Variants in MTERF4 observed in about 807,000 individuals in gnomAD.
The protein encoded by MTERF4 is mitochondrial transcription termination factor 4.
MTERF4 carries 17 observed loss-of-function variants against 22.5 expected under a neutral mutation model. The ratio of observed to expected loss-of-function variants is 0.75; its 90% confidence interval spans 0.52 to 1.13. The LOEUF (loss-of-function observed/expected upper bound fraction) is 1.13, where lower values mean the gene tolerates loss of function less well. Ranked by LOEUF, MTERF4 falls within the 50% of genes most tolerant of loss-of-function variation. The probability of loss-of-function intolerance (pLI) is 0.00; values close to 1 mark genes in which losing one functional copy is unlikely to be tolerated. For synonymous variants in MTERF4, 165 were observed against 175.3 expected (o/e 0.94, Z 0.47); for missense variants, 420 against 466.8 (o/e 0.90, Z 0.92).
chr2:241,062,372 C>A, the MTERF4 span, among the ~76,000 whole-genome samples: 1 of 152,146 alleles, frequency 6.6e-6, no homozygotes, highest in Admixed American at 6.6e-5. Context: ...GCACAACTCC[C>A]GCTTGAAAAG....
chr2:241,045,428 G>A, the MTERF4 span, among the ~76,000 whole-genome samples: 1 of 152,206 alleles, frequency 6.6e-6, no homozygotes, highest in East Asian at 1.9e-4. Flanking sequence ...GATCAATTCA[G>A]TGTGATATTG....
chr2:241,064,989 C>A, the MTERF4 span: 1 of 1,495,364 alleles, frequency 6.7e-7, no homozygotes, highest in Non-Finnish European at 9.0e-7. The surrounding 1 kb of genome is among the most constrained non-coding windows in gnomAD (Gnocchi z 7.0). Context: ...AGTGAGGGAG[C>A]CACGAGGGGG....
At chr2:241,051,728 C>T in the MTERF4 span, 1,567 of 1,466,698 alleles carry the variant, frequency 1.1e-3, 24 homozygotes, top group East Asian at 0.036. The surrounding 1 kb of genome is among the most constrained non-coding windows in gnomAD (Gnocchi z 4.7). Context: ...ATCTGCCTCT[C>T]TGTCCTTCCA....
chr2:241,064,733 G>A, the MTERF4 span: 26 of 718,876 alleles, frequency 3.6e-5, no homozygotes, highest in African/African-American at 1.5e-4. The surrounding 1 kb of genome is among the most constrained non-coding windows in gnomAD (Gnocchi z 7.0). Context: ...TGTGCCCCCC[G>A]CCCCTCCACA....
At chr2:241,087,683 G>A (rs755874165), downstream of MTERF4, 153 of 1,367,996 alleles carry the variant, frequency 1.1e-4, no homozygotes, top group Non-Finnish European at 1.4e-4. Flanking sequence ...GGGCACAGCC[G>A]GGCATGCTGG....
chr2:241,090,457 AATG>A, downstream of MTERF4: 1 of 1,531,680 alleles, frequency 6.5e-7, no homozygotes, highest in African/African-American at 1.4e-5. Flanking sequence ...ACTCTAAAAT[AATG>A]ATGAAGAGTA....
chr2:241,082,158 C>A, downstream of MTERF4: 1 of 760,598 alleles, frequency 1.3e-6, no homozygotes, highest in Non-Finnish European at 2.2e-6. Flanking sequence ...CCCACCATCC[C>A]GCCTTGGAGG....
At chr2:241,094,551 CTTAT>C, downstream of MTERF4, 4 of 365,792 alleles carry the variant, frequency 1.1e-5, no homozygotes, top group Non-Finnish European at 2.2e-5. The surrounding 1 kb of genome is among the most constrained non-coding windows in gnomAD (Gnocchi z 4.3). Flanking sequence ...AAACCAGCTC[CTTAT>C]TTTTCTTTTA....
the MTERF4 span, among the ~76,000 whole-genome samples, chr2:241,043,746 T>C: frequency 6.0e-4 from 91 of 152,366 alleles, 1 homozygote; most frequent in Middle Eastern, 0.01. Flanking sequence ...TAAATACTTT[T>C]GGCTTTGTGA....
chr2:241,089,224 G>C, downstream of MTERF4: 1 of 1,392,948 alleles, frequency 7.2e-7, no homozygotes. Context: ...CATGAAAGAT[G>C]AATCTCTGGT....
In MTERF4 at chr2:241,096,804, A is replaced by T; in HGVS notation, c.706-366T>A. 1.9e-6 allele frequency: 1 copy of T among 524,106 alleles called. No homozygotes were observed. Among genetic ancestry groups the T allele is most frequent in the South Asian group, 2.1e-5 (1 of 48,244 alleles). 32.5% of individuals were successfully genotyped at this position (524,106 alleles called of 1,614,324 possible). A position where few individuals can be genotyped will look rare whatever the true frequency, so the allele number is the denominator to read the frequency against. ...AAATTCGACCTAAGTTGTCATAATTATTACCAAAAAATCGGACAACTGTTA... is the reference window on the plus strand; with the variant it reads ...AAATTCGACCTAAGTTGTCATAATTTTTACCAAAAAATCGGACAACTGTTA... On this transcript the variant is annotated intron_variant, in intron 3 of 3. Transcript: ENST00000391980. This position sits in a 1 kb window ranked among gnomAD's most constrained non-coding sequence, Gnocchi z 5.1.
chr2:241,062,947 A>T, the MTERF4 span: 3 of 1,299,342 alleles, frequency 2.3e-6, no homozygotes, highest in Non-Finnish European at 3.2e-6. Flanking sequence ...GCTGCAGCAC[A>T]CTGGCCATGT....
the MTERF4 span, among the ~76,000 whole-genome samples, chr2:241,052,860 C>T: frequency 9.5e-6 from 1 of 104,916 alleles, no homozygotes; most frequent in Non-Finnish European, 2.2e-5. Context: ...GGCCGGGGGG[C>T]CGAGCAGGGT....
chr2:241,069,062 G>C (rs768173462), downstream of MTERF4: 3 of 1,393,036 alleles, frequency 2.2e-6, no homozygotes, highest in Non-Finnish European at 3.0e-6. This position sits in a 1 kb window ranked among gnomAD's most constrained non-coding sequence, Gnocchi z 4.9. Flanking sequence ...ACGAAAGGCC[G>C]TCTTCTAGAA....
downstream of MTERF4, chr2:241,071,868 C>A: frequency 1.9e-6 from 3 of 1,600,552 alleles, no homozygotes; most frequent in Non-Finnish European, 2.6e-6. Context: ...AAGCAGCCAC[C>A]GTGAGATCAC....
the MTERF4 span, among the ~76,000 whole-genome samples, chr2:241,054,198 T>C: frequency 1.3e-5 from 2 of 152,074 alleles, no homozygotes; most frequent in Non-Finnish European, 2.9e-5. Flanking sequence ...CTTCCCCACC[T>C]ATATGTTGCC....
At chr2:241,066,430 C>T in the MTERF4 span, among the ~76,000 whole-genome samples, 72 of 152,288 alleles carry the variant, frequency 4.7e-4, no homozygotes, top group African/African-American at 1.6e-3. Context: ...GGAGCCCGGC[C>T]GCATCAGCTA....
downstream of MTERF4, chr2:241,067,851 C>A (rs919570765): frequency 1.9e-6 from 3 of 1,613,458 alleles, no homozygotes; most frequent in Non-Finnish European, 2.5e-6. Flanking sequence ...ATCCGCCATG[C>A]CACCGTCAGT....
chr2:241,048,691 G>A, the MTERF4 span: 5 of 1,612,386 alleles, frequency 3.1e-6, no homozygotes, highest in East Asian at 2.2e-5. Context: ...GTGCCGCAAC[G>A]GAGGCAGATG....
Sources: gnomAD v4.1 joint callset for allele counts (sites outside exome capture counted in the v4.1 genomes callset) on GRCh38, gnomAD v4.1.1 for gene constraint, Gnocchi (gnomAD v3.1) non-coding constraint, MANE v1.5 for transcripts, NCBI Gene and HGNC (gene_info 2026-07-23, HGNC 2026-07-21) for gene names.